PEG3: variants seen among roughly 807,000 people sequenced by gnomAD.
PEG3 encodes the protein paternally expressed 3, also known as paternally-expressed gene 3 protein.
In PEG3, 23 loss-of-function variants were observed where a neutral mutation model predicts 35.5. That is an observed-to-expected ratio of 0.65 (90% CI 0.47 to 0.92). The LOEUF (loss-of-function observed/expected upper bound fraction) is 0.92. PEG3 is among the 40% of genes least tolerant of loss of function. The pLI is 0.00. For missense variants in PEG3, 1,960 were observed against 1,985.3 expected, an observed-to-expected ratio of 0.99 and a Z score of 0.24; for synonymous variants, 707 against 697.0, an observed-to-expected ratio of 1.01 and a Z score of -0.23.
intron 8 of PEG3, 140 bp from the exon 9 acceptor site, chr19:56,817,975 T>C (rs1052956422): frequency 2.0e-5 from 13 of 661,732 alleles, no homozygotes; most frequent in Admixed American, 1.4e-4. Context: ...CAGAAGACAT[T>C]TGCTGTCTCA....
chr19:56,836,981 A>T (rs935678158), intron 1 of PEG3, among the ~76,000 whole-genome samples: 3 of 15,360 alleles, frequency 2.0e-4, no homozygotes, highest in African/African-American at 3.9e-4. Flanking sequence ...AAAAAAAAAA[A>T]AAAAAAAAAA....
At position 56,816,680 on chromosome 19, in the gene PEG3, C is replaced by T. The variant is rs1296067656; in HGVS notation, c.1762G>A (p.Asp588Asn). 21 of 1,614,126 alleles carry T rather than the reference C, an allele frequency of 1.3e-5. No individual in the cohort carries two copies. The highest frequency in any genetic ancestry group is 1.6e-5 in the Non-Finnish European group (19 of 1,179,994). ...LIEHQKIHFG[D>N]DKDNEREHER... ...TGTTCACGCTCATTATCTTTGTCATCCCCAAAGTGGATTTTCTGGTGCTCA... is the reference window on the plus strand; with the variant it reads ...TGTTCACGCTCATTATCTTTGTCATTCCCAAAGTGGATTTTCTGGTGCTCA... The change falls in exon 10 of 10, where the codon GAT becomes AAT. Residue 588 changes from aspartate to asparagine, a missense_variant. Physicochemically the swap from Asp to Asn is conservative, Grantham distance 23. This residue lies in a region of PEG3 where 798 missense variants were observed against 782.4 expected (regional missense o/e 1.02). Coordinates refer to ENST00000326441, the MANE Select transcript of PEG3 (RefSeq NM_006210.3).
rs1056767248 is a variant in PEG3 at position 56,824,861 on chromosome 19, C to A, written c.-86-120G>T. The A allele has an allele frequency of 5.5e-6, 3 of 549,910 alleles. No homozygotes were observed. The African/African-American group carries it at 5.6e-5, about 10-fold the overall frequency. 34.1% of individuals were successfully genotyped at this position (549,910 alleles called of 1,614,324 possible). ...GATATGGGAGTCCCCAGTAAATAGG[C>A]AAACAACCGCACAAAGTTGGCCTCA... On this transcript the variant is annotated intron_variant, in intron 3 of 9. Coordinates refer to ENST00000326441, the MANE Select transcript of PEG3 (RefSeq NM_006210.3).
In PEG3 at chr19:56,812,343, G is replaced by C; in HGVS notation, c.*1332C>G. The C allele has an allele frequency of 1.0e-6, 1 of 982,428 alleles. No individual in the cohort carries two copies. The highest frequency in any genetic ancestry group is 1.1e-4 in the East Asian group (1 of 8,802). 60.9% of individuals were successfully genotyped at this position (982,428 alleles called of 1,614,324 possible). On this transcript the variant is annotated 3_prime_UTR_variant, in exon 10 of 10. Transcript: ENST00000326441. Reference sequence around the variant, plus strand: ...TACTCTAGGAGAGCTGAAAAAGAAGGAACAGATGTTAACAAAACAAATTAA... The same window carrying C: ...TACTCTAGGAGAGCTGAAAAAGAAGCAACAGATGTTAACAAAACAAATTAA...
intron 2 of PEG3, chr19:56,833,792 G>A (rs1212668141): frequency 6.6e-6 from 1 of 152,462 alleles, no homozygotes; most frequent in East Asian, 1.9e-4. Context: ...TGGGACATAG[G>A]GACTTTAGAG....
At chr19:56,822,496 G>GTTT in intron 6 of PEG3, 20 of 331,056 alleles carry the variant, frequency 6.0e-5, no homozygotes, top group South Asian at 1.9e-4. Flanking sequence ...GAAACTTCCA[G>GTTT]TTTTTTTTTT....
At position 56,817,545 on chromosome 19, in the gene PEG3, G is replaced by A. The variant is rs1417788923; in HGVS notation, c.897C>T (p.Thr299=). The A allele has an allele frequency of 6.3e-7, 1 of 1,597,528 alleles. No homozygotes were observed. Among genetic ancestry groups the A allele is most frequent in the South Asian group, 1.1e-5 (1 of 88,786 alleles). The change falls in exon 10 of 10, where the codon ACC becomes ACT. Residue 299 remains threonine, a synonymous_variant. Transcript: ENST00000326441. ...LKTMPEAKKS[T]HRRGICEDES... ...CATCTTCACAAATCCCCCGCCGGTG[G>A]GTTGATTTTTTGGCTTCAGGCATAG...
chr19:56,817,684 A>C (rs919925602), intron 9 of PEG3, 62 bp downstream of exon 9: 7 of 1,550,476 alleles, frequency 4.5e-6, no homozygotes, highest in Non-Finnish European at 4.5e-6. Context: ...CAAAGTGTAG[A>C]AGTTCCTTGA....
intron 2 of PEG3, among the ~76,000 whole-genome samples, chr19:56,834,406 A>T (rs879297038): frequency 1.3e-5 from 2 of 152,146 alleles, no homozygotes; most frequent in Non-Finnish European, 2.9e-5. Flanking sequence ...CTTGGTTCTG[A>T]TTCCGTACTC....
chr19:56,813,468 G>A lies in PEG3; in HGVS notation c.*207C>T. 7.2e-7 allele frequency: 1 copy of A among 1,392,092 alleles called. No homozygotes were observed. Among genetic ancestry groups the A allele is most frequent in the Non-Finnish European group, 9.3e-7 (1 of 1,074,174 alleles). The allele number at this position is 1,392,092 out of a possible 1,614,324, so 86.2% of individuals were successfully genotyped here. On this transcript the variant is annotated 3_prime_UTR_variant, in exon 10 of 10. Coordinates refer to ENST00000326441, the MANE Select transcript of PEG3 (RefSeq NM_006210.3). Reference sequence around the variant, plus strand: ...GTGTGCTATGGCTTTCCCACATGCAGACACTGACATCTGAAGGGGAAAGCT... The same window carrying A: ...GTGTGCTATGGCTTTCCCACATGCAAACACTGACATCTGAAGGGGAAAGCT...
In PEG3 at chr19:56,810,467, A is replaced by G. The variant is rs1231601240; in HGVS notation, c.*3208T>C. 1 of 984,824 alleles carries G rather than the reference A, an allele frequency of 1.0e-6. No homozygotes were observed. Among genetic ancestry groups the G allele is most frequent in the South Asian group, 4.7e-5 (1 of 21,272 alleles). The allele number at this position is 984,824 out of a possible 1,614,324, so 61.0% of individuals were successfully genotyped here. A position where few individuals can be genotyped will look rare whatever the true frequency, so the allele number is the denominator to read the frequency against. ...TTATCACTAACACCCTAATAATCAC[A>G]GACTAGTGCACAGATCAAGATGTTA... On this transcript the variant is annotated 3_prime_UTR_variant, in exon 10 of 10. Transcript: ENST00000326441.
intron 1 of PEG3, among the ~76,000 whole-genome samples, chr19:56,838,268 C>G (rs555375967): frequency 1.3e-5 from 2 of 152,106 alleles, no homozygotes; most frequent in East Asian, 3.9e-4. Context: ...CTCGGCAGCC[C>G]CTAGTCACTG....
In PEG3 at chr19:56,813,960, T is replaced by C. The variant is rs748571661; in HGVS notation, c.4482A>G (p.Glu1494=). 1.2e-6 allele frequency: 2 copies of C among 1,614,128 alleles called. No individual in the cohort carries two copies. Among genetic ancestry groups the C allele is most frequent in the Non-Finnish European group, 1.7e-6 (2 of 1,179,984 alleles). Residue 1494 remains glutamate (E), a synonymous_variant, in exon 10 of 10, where the codon GAA becomes GAG. Transcript: ENST00000326441. ...GVGIEDPEEG[E]DQEIQVEEPY... is the part of the protein sequence containing the mutation. ...GTTCTTCTACCTGAATCTCTTGATCTTCACCTTCTTCTGGGTCTTCAATTC... is the reference window on the plus strand; with the variant it reads ...GTTCTTCTACCTGAATCTCTTGATCCTCACCTTCTTCTGGGTCTTCAATTC...
At position 56,823,666 on chromosome 19, in the gene PEG3, A is replaced by G. The variant is rs1438479612; in HGVS notation, c.408T>C (p.Ser136=). The G allele has an allele frequency of 1.2e-6, 2 of 1,613,926 alleles. No individual in the cohort carries two copies. The highest frequency in any genetic ancestry group is 1.7e-5 in the Admixed American group (1 of 59,990). ...EMYQPEDDNN[S]DVTSDDDMTR... ...TCATGTCGTCGTCGCTGGTCACGTC[A>G]CTGTTGTTGTCGTCTAAGAGGACAC... The change falls in exon 5 of 10, where the codon AGT becomes AGC. Residue 136 remains serine (S), a synonymous_variant. Transcript: ENST00000326441.
chr19:56,816,629 C>G lies in PEG3; in HGVS notation c.1813G>C (p.Gly605Arg), dbSNP rs55885735. 25 of 1,613,664 alleles carry G rather than the reference C, an allele frequency of 1.5e-5. No individual in the cohort carries two copies. Among genetic ancestry groups the G allele is most frequent in the South Asian group, 5.5e-5 (5 of 91,026 alleles). The change falls in exon 10 of 10, where the codon GGG becomes CGG. Residue 605 changes from glycine to arginine, a missense_variant. Around this residue, in one of 5 missense-constraint regions of PEG3, gnomAD observed 798 missense variants for 782.4 expected, o/e 1.02. Coordinates refer to ENST00000326441, the MANE Select transcript of PEG3 (RefSeq NM_006210.3). ...EHERERERER[G>R]ETFRPSPALN... ...GCTGGGCTGGGCCTAAAGGTTTCCC[C>G]GCGCTCACGTTCACGTTCACGTTCA...
Position 56,817,373 on chromosome 19 carries a change from T to A in PEG3, c.1069A>T (p.Arg357Trp). ...DNWKDISLNK[R>W]ESVIQQRVYE... Reference sequence around the variant, plus strand: ...ACCCGCTGCTGGATCACTGACTCCCTCTTGTTCAATGAAATGTCCTTCCAG... The same window carrying A: ...ACCCGCTGCTGGATCACTGACTCCCACTTGTTCAATGAAATGTCCTTCCAG... Residue 357 changes from arginine to tryptophan, a missense_variant, in exon 10 of 10, where the codon AGG becomes TGG. Arg to Trp is a moderately radical substitution (Grantham distance 101, BLOSUM62 -3). This residue lies in a region of PEG3 where 613 missense variants were observed against 577.1 expected (regional missense o/e 1.06). Transcript: ENST00000326441. The A allele has an allele frequency of 6.2e-7, 1 of 1,613,970 alleles. No individual in the cohort carries two copies. The highest frequency in any genetic ancestry group is 8.5e-7 in the Non-Finnish European group (1 of 1,179,838).
chr19:56,821,341 C>G (rs1350355972), intron 7 of PEG3, among the ~76,000 whole-genome samples: 1 of 152,166 alleles, frequency 6.6e-6, no homozygotes, highest in Non-Finnish European at 1.5e-5. Flanking sequence ...CTCCTGAGGA[C>G]CAGAAACATC....
chr19:56,814,074 T>C lies in PEG3; in HGVS notation c.4368A>G (p.Ala1456=), dbSNP rs1278048313. 1 of 1,614,198 alleles carries C rather than the reference T, an allele frequency of 6.2e-7. No homozygotes were observed. Among genetic ancestry groups the C allele is most frequent in the East Asian group, 2.2e-5 (1 of 44,862 alleles). Residue 1456 remains alanine (A), a synonymous_variant, in exon 10 of 10, where the codon GCA becomes GCG. Transcript: ENST00000326441. This position sits in a 1 kb window ranked among gnomAD's most constrained non-coding sequence, Gnocchi z 5.8. ...CTCTTTCTTCTGGGTCTTCAATACC[T>C]GCACCATCTGGCTCATCAGCATCCC... is the stretch of plus-strand genomic sequence containing the variant. The part of the protein sequence containing the change: ...PNGDADEPDG[A]GIEDPEERAE...
At chr19:56,827,842 A>G (rs746712534) in intron 2 of PEG3, among the ~76,000 whole-genome samples, 1 of 152,192 alleles carries the variant, frequency 6.6e-6, no homozygotes, top group Non-Finnish European at 1.5e-5. Context: ...GCATTCTCAG[A>G]AACTAAAAAA....
Sources: allele counts gnomAD v4.1 joint callset (sites outside exome capture counted in the v4.1 genomes callset), GRCh38; gene constraint gnomAD v4.1.1; regional missense constraint gnomAD v4.1.1; non-coding constraint Gnocchi (gnomAD v3.1); transcripts MANE v1.5; gene names NCBI Gene and HGNC (gene_info 2026-07-23, HGNC 2026-07-21).